UBE2D2: variants seen among roughly 807,000 people sequenced by gnomAD.
The protein encoded by UBE2D2 is ubiquitin-conjugating enzyme E2 D2.
Under a neutral mutation model 24.2 loss-of-function variants are expected in UBE2D2, and 2 were observed. That is an observed-to-expected ratio of 0.08 (90% confidence interval 0.03 to 0.26). UBE2D2 has a LOEUF of 0.26. Ranked by LOEUF, UBE2D2 falls within the 10% of genes least tolerant of loss-of-function variation. The probability of loss-of-function intolerance (pLI) is 1.00; values close to 1 mark genes in which losing one functional copy is unlikely to be tolerated. For synonymous variants in UBE2D2, 58 were observed against 56.5 expected (o/e 1.03, Z -0.12); for missense variants, 44 against 177.6 (o/e 0.25, Z 4.28).
intron 1 of UBE2D2, among the ~76,000 whole-genome samples, chr5:139,582,436 C>T (rs1179857380): frequency 6.6e-6 from 1 of 152,048 alleles, no homozygotes; most frequent in South Asian, 2.1e-4. Context: ...GTCTTGGACT[C>T]CTGACCTCAA....
chr5:139,595,403 A>C (rs1282639405), intron 1 of UBE2D2, among the ~76,000 whole-genome samples: 1 of 151,482 alleles, frequency 6.6e-6, no homozygotes, highest in Non-Finnish European at 1.5e-5. Flanking sequence ...CTTGAGTCGG[A>C]GTCTCGCTCT....
At chr5:139,618,991 A>G (rs116029221) in intron 5 of UBE2D2, among the ~76,000 whole-genome samples, 2,088 of 152,320 alleles carry the variant, frequency 0.014, 50 homozygotes, top group African/African-American at 0.047. Flanking sequence ...TAAATATTTA[A>G]AAAACAAAAA....
At chr5:139,611,568 G>A (rs748411513) in intron 2 of UBE2D2, among the ~76,000 whole-genome samples, 16 of 152,074 alleles carry the variant, frequency 1.1e-4, no homozygotes, top group Admixed American at 3.9e-4. Context: ...TGACATCAAC[G>A]TGAAGCTGCC....
chr5:139,530,107 G>C (rs1752583125), intron 1 of UBE2D2, among the ~76,000 whole-genome samples: 2 of 152,314 alleles, frequency 1.3e-5, no homozygotes, highest in Admixed American at 6.5e-5. Context: ...TTAGGCAAAA[G>C]CTGTATAATG....
chr5:139,531,318 C>T (rs995958458), intron 1 of UBE2D2, among the ~76,000 whole-genome samples: 8 of 152,276 alleles, frequency 5.3e-5, no homozygotes, highest in African/African-American at 1.9e-4. Flanking sequence ...TGTGAAATTC[C>T]CTGCCCTGTT....
intron 1 of UBE2D2, among the ~76,000 whole-genome samples, chr5:139,542,357 A>G (rs1752771747): frequency 6.6e-6 from 1 of 152,132 alleles, no homozygotes; most frequent in African/African-American, 2.4e-5. Flanking sequence ...AACCTATGGC[A>G]TGATACAGTT....
intron 1 of UBE2D2, among the ~76,000 whole-genome samples, chr5:139,579,533 G>A (rs1052337881): frequency 4.0e-5 from 6 of 151,700 alleles, no homozygotes; most frequent in African/African-American, 7.3e-5. Flanking sequence ...AAGATGATCC[G>A]CCCACCTTGG....
chr5:139,604,100 T>TAAC, intron 2 of UBE2D2, among the ~76,000 whole-genome samples: 1 of 152,000 alleles, frequency 6.6e-6, no homozygotes. Flanking sequence ...TTGCAAGTCA[T>TAAC]ATATCTCATA....
In UBE2D2 at chr5:139,614,905, T is replaced by C. The variant is rs776833205; in HGVS notation, c.243T>C (p.Asn81=). 5.6e-6 allele frequency: 9 copies of C among 1,613,976 alleles called. No homozygotes were observed. The highest frequency in any genetic ancestry group is 1.7e-4 in the Middle Eastern group (1 of 6,058). Residue 81 remains asparagine (N), a synonymous_variant, in exon 5 of 7, where the codon AAT becomes AAC. Transcript: ENST00000398733. ...TRIYHPNINS[N]GSICLDILRS... ...TTTATCATCCAAATATTAACAGTAA[T>C]GGCAGCATTTGTCTTGATATTCTAC...
At chr5:139,615,740 T>A (rs1464148124) in intron 5 of UBE2D2, among the ~76,000 whole-genome samples, 1 of 152,100 alleles carries the variant, frequency 6.6e-6, no homozygotes, top group Non-Finnish European at 1.5e-5. Context: ...CTGAGTGATG[T>A]AGTTGTTGTC....
intron 5 of UBE2D2, among the ~76,000 whole-genome samples, chr5:139,620,701 T>C (rs1581534310): frequency 6.6e-6 from 1 of 152,226 alleles, no homozygotes; most frequent in East Asian, 1.9e-4. Context: ...TCAGAAGCCC[T>C]TGATCTCTAT....
chr5:139,562,368 G>C (rs1292328151), intron 1 of UBE2D2: 1 of 1,335,098 alleles, frequency 7.5e-7, no homozygotes, highest in Non-Finnish European at 9.9e-7. Flanking sequence ...TGCTTGTCCA[G>C]AAACTGTTAA....
chr5:139,567,349 C>T (rs1034632434), intron 1 of UBE2D2, among the ~76,000 whole-genome samples: 6 of 151,784 alleles, frequency 4.0e-5, no homozygotes, highest in African/African-American at 1.5e-4. Flanking sequence ...CCACCTGCTT[C>T]GGCCTCCCAA....
intron 1 of UBE2D2, among the ~76,000 whole-genome samples, chr5:139,545,770 C>T (rs1031954226): frequency 1.6e-4 from 24 of 151,126 alleles, no homozygotes; most frequent in African/African-American, 5.8e-4. Context: ...GTCGCCCAGG[C>T]TGCAGTACAG....
intron 2 of UBE2D2, among the ~76,000 whole-genome samples, chr5:139,613,058 T>C (rs1754356944): frequency 6.6e-6 from 1 of 152,206 alleles, no homozygotes; most frequent in African/African-American, 2.4e-5. Flanking sequence ...CAGAGAGTAA[T>C]ATAAGTGTTT....
chr5:139,577,084 G>C (rs1753487514), intron 1 of UBE2D2, among the ~76,000 whole-genome samples: 1 of 150,846 alleles, frequency 6.6e-6, no homozygotes, highest in Non-Finnish European at 1.5e-5. Flanking sequence ...CCATCTTATA[G>C]AGATTGTCTG....
At chr5:139,542,112 G>T (rs1052926688) in intron 1 of UBE2D2, among the ~76,000 whole-genome samples, 1 of 152,058 alleles carries the variant, frequency 6.6e-6, no homozygotes, top group Admixed American at 6.6e-5. Context: ...GCTTGAACCT[G>T]GGAGGCGGAG....
chr5:139,571,634 G>A (rs144531124), intron 1 of UBE2D2, among the ~76,000 whole-genome samples: 4 of 152,206 alleles, frequency 2.6e-5, no homozygotes, highest in African/African-American at 9.6e-5. Context: ...TGTGTCTCCA[G>A]ATTTACTTGT....
intron 5 of UBE2D2, among the ~76,000 whole-genome samples, chr5:139,620,297 C>T (rs879468447): frequency 1.2e-4 from 18 of 152,124 alleles, no homozygotes; most frequent in Non-Finnish European, 2.5e-4. Context: ...TTCACAAGGT[C>T]CAGATAGCCA....
Sources: gnomAD v4.1 joint callset for allele counts (sites outside exome capture counted in the v4.1 genomes callset) on GRCh38, gnomAD v4.1.1 for gene constraint, MANE v1.5 for transcripts, NCBI Gene and HGNC (gene_info 2026-07-23, HGNC 2026-07-21) for gene names.